PABIR3: variants seen among roughly 807,000 people sequenced by gnomAD.
The protein encoded by PABIR3 is PABIR family member 1.
In PABIR3, 20 loss-of-function variants were observed where a neutral mutation model predicts 23.1. The ratio of observed to expected loss-of-function variants is 0.86; its 90% CI spans 0.61 to 1.26. The LOEUF (loss-of-function observed/expected upper bound fraction) is 1.26. Ranked by LOEUF, PABIR3 falls within the 50% of genes most tolerant of loss-of-function variation. The pLI, the probability that PABIR3 is intolerant of heterozygous loss-of-function variation, is 0.00. For synonymous variants in PABIR3, 69 were observed against 68.5 expected, an observed-to-expected ratio of 1.01 and a Z score of -0.04; for missense variants, 189 against 195.4, an observed-to-expected ratio of 0.97 and a Z score of 0.20.
chrX:134,841,433 C>T (rs1340044103), intron 4 of PABIR3, among the ~76,000 whole-genome samples: 1 of 111,886 alleles, frequency 8.9e-6, no homozygotes, highest in Admixed American at 9.6e-5. Context: ...TTTACTTATA[C>T]ATTTTGGACA....
chrX:134,849,869 CT>C (rs374919785), intron 9 of PABIR3, among the ~76,000 whole-genome samples: 1 of 58,856 alleles, frequency 1.7e-5, no homozygotes, highest in Admixed American at 3.1e-4. Context: ...GCTCTTCTTC[CT>C]TTTTTTTTTT....
intron 4 of PABIR3, among the ~76,000 whole-genome samples, chrX:134,843,419 A>C: frequency 9.2e-6 from 1 of 109,045 alleles, no homozygotes; most frequent in Non-Finnish European, 1.9e-5. Flanking sequence ...AAAAAAAAAA[A>C]AGGGGGTTCA....
At chrX:134,820,256 T>C (rs1219384456) in intron 3 of PABIR3, among the ~76,000 whole-genome samples, 1 of 112,493 alleles carries the variant, frequency 8.9e-6, no homozygotes, top group East Asian at 2.8e-4. Context: ...ATTTCTATAC[T>C]AGTTGGATGT....
chrX:134,828,117 T>G lies in PABIR3; in HGVS notation c.190-1109T>G, dbSNP rs927976069. 2.9e-5 allele frequency among the ~76,000 whole-genome samples: 3 copies of G among 103,066 alleles called. No individual in the cohort carries two copies. The South Asian group carries it at 1.4e-3, about 50-fold the overall frequency. 89.5% of individuals were successfully genotyped at this position (103,066 alleles called of 115,157 possible). A position where few individuals can be genotyped will look rare whatever the true frequency, so the allele number is the denominator to read the frequency against. ...TTTGCCATCTTGCTTAGGCTGGTCT[T>G]GAACTCCTGGCCTCAAGTGATCCTC... is the stretch of plus-strand genomic sequence containing the variant. On this transcript the variant is annotated intron_variant, in intron 3 of 10. Transcript: ENST00000645433.
chrX:134,861,813 A>G, the PABIR3 span, among the ~76,000 whole-genome samples: 1 of 111,813 alleles, frequency 8.9e-6, no homozygotes, highest in Admixed American at 9.6e-5. Flanking sequence ...TCCATGGTCA[A>G]GTAAGTTTGG....
At chrX:134,849,890 T>TTTTTTTTTTTTA (rs2082569096) in intron 9 of PABIR3, among the ~76,000 whole-genome samples, 1 of 95,485 alleles carries the variant, frequency 1.0e-5, no homozygotes, top group Non-Finnish European at 2.1e-5. Context: ...TTTTTTTTCT[T>TTTTTTTTTTTTA]GAGACAGAGT....
At chrX:134,843,629 G>A (rs1254012258) in intron 4 of PABIR3, among the ~76,000 whole-genome samples, 1 of 93,629 alleles carries the variant, frequency 1.1e-5, no homozygotes, top group Non-Finnish European at 2.0e-5. Flanking sequence ...GTGCAGTGGC[G>A]TGATCTCGGC....
At chrX:134,804,669 A>G (rs1321356172), upstream of PABIR3, among the ~76,000 whole-genome samples, 1 of 112,639 alleles carries the variant, frequency 8.9e-6, no homozygotes, top group Non-Finnish European at 1.9e-5. Context: ...AAATATACGT[A>G]TGAAACCTTA....
At chrX:134,797,903 C>A (rs771542764) in intron 1 of PABIR3, among the ~76,000 whole-genome samples, 7 of 109,151 alleles carry the variant, frequency 6.4e-5, no homozygotes, top group African/African-American at 2.3e-4. Flanking sequence ...ACCTCTGCCC[C>A]ACCCCGCCTG....
chrX:134,807,587 C>T lies in PABIR3; in HGVS notation c.-12C>T. On this transcript the variant is annotated 5_prime_UTR_variant, in exon 2 of 11. Transcript: ENST00000645433. ...GCCGGAAAGCCTTGAGAACTTATTC[C>T]TCGACCCGGACATGGCACAGGAGAA... The T allele has an allele frequency of 8.3e-7, 1 of 1,210,290 alleles. No individual in the cohort carries two copies. Among genetic ancestry groups the T allele is most frequent in the Non-Finnish European group, 1.1e-6 (1 of 894,730 alleles).
chrX:134,854,243 C>T lies in PABIR3; in HGVS notation c.*26C>T. ...TAGACAAACTTTCAACTAAATGATT[C>T]ACCCATCCCAAGACTTTCTCACCAG... On this transcript the variant is annotated 3_prime_UTR_variant, in exon 11 of 11. Coordinates refer to ENST00000645433, the MANE Select transcript of PABIR3 (RefSeq NM_001388447.1). The T allele has an allele frequency of 8.4e-7, 1 of 1,190,098 alleles. No homozygotes were observed. The highest frequency in any genetic ancestry group is 1.1e-6 in the Non-Finnish European group (1 of 884,648).
At chrX:134,853,129 A>G (rs1201855034) in intron 10 of PABIR3, among the ~76,000 whole-genome samples, 4 of 111,291 alleles carry the variant, frequency 3.6e-5, no homozygotes, top group African/African-American at 9.8e-5. Flanking sequence ...CAGTGGCACA[A>G]TCTTGGCTCA....
intron 8 of PABIR3, 61 bp from the exon 9 acceptor site, chrX:134,849,104 AAT>A: frequency 1.9e-6 from 1 of 513,959 alleles, no homozygotes; most frequent in Non-Finnish European, 2.8e-6. Context: ...GTTATAATGA[AAT>A]AGTCATTGTT....
chrX:134,859,044 GGA>G (rs1299014151), downstream of PABIR3, among the ~76,000 whole-genome samples: 1 of 111,590 alleles, frequency 9.0e-6, no homozygotes, highest in Non-Finnish European at 1.9e-5. Flanking sequence ...CAGCCTTTTG[GGA>G]GAGTGACCAA....
At chrX:134,797,473 A>C (rs2079923641) in intron 1 of PABIR3, among the ~76,000 whole-genome samples, 1 of 112,246 alleles carries the variant, frequency 8.9e-6, no homozygotes, top group South Asian at 3.7e-4. Context: ...TTCACTCCTA[A>C]TTTGTACGCT....
At chrX:134,807,397 G>A in intron 1 of PABIR3, 56 bp downstream of exon 1, 2 of 1,000,673 alleles carry the variant, frequency 2.0e-6, no homozygotes, top group Non-Finnish European at 2.5e-6. Flanking sequence ...GCGGTTCGGA[G>A]CCAGTTCTGC....
At chrX:134,862,634 G>C in the PABIR3 span, among the ~76,000 whole-genome samples, 1 of 111,925 alleles carries the variant, frequency 8.9e-6, no homozygotes. Flanking sequence ...CACATGGACT[G>C]TCTATTACTT....
At chrX:134,804,079 G>A (rs138000106), upstream of PABIR3, 819 of 454,583 alleles carry the variant, frequency 1.8e-3, 2 homozygotes, top group Non-Finnish European at 2.5e-3. Flanking sequence ...ATTATCACAT[G>A]TTTGTTGGTT....
intron 9 of PABIR3, 133 bp downstream of exon 9, chrX:134,849,361 C>G (rs990140493): frequency 4.5e-5 from 11 of 242,015 alleles, no homozygotes; most frequent in Non-Finnish European, 6.2e-5. Flanking sequence ...CTATTAGAGG[C>G]CTTTCATTTT....
Sources: allele counts gnomAD v4.1 joint callset (sites outside exome capture counted in the v4.1 genomes callset), GRCh38; gene constraint gnomAD v4.1.1; transcripts MANE v1.5; gene names NCBI Gene and HGNC (gene_info 2026-07-23, HGNC 2026-07-21).